TRIP13: variants seen among roughly 807,000 people sequenced by gnomAD.
The protein encoded by TRIP13 is thyroid hormone receptor interactor 13.
Under a neutral mutation model 54.4 loss-of-function variants are expected in TRIP13, and 25 were observed. The observed-to-expected ratio is 0.46, with a 90% CI of 0.33 to 0.64. The LOEUF is 0.64. TRIP13 is among the 30% of genes least tolerant of loss of function. The pLI is 0.02. For missense variants in TRIP13, 373 were observed against 534.2 expected (o/e 0.70, Z 2.97); for synonymous variants, 207 against 207.8 (o/e 1.00, Z 0.03).
At chr5:900,729 G>A (rs1178308097) in intron 4 of TRIP13, among the ~76,000 whole-genome samples, 180 bp downstream of exon 4, 1 of 152,186 alleles carries the variant, frequency 6.6e-6, no homozygotes, top group Non-Finnish European at 1.5e-5. Flanking sequence ...GCTGGTCTCT[G>A]AGGAGCTCCC....
At chr5:895,857 C>T (rs1753901554) in intron 2 of TRIP13, among the ~76,000 whole-genome samples, 1 of 152,028 alleles carries the variant, frequency 6.6e-6, no homozygotes, top group Admixed American at 6.6e-5. Context: ...TAATAATAGC[C>T]AACAATTTGA....
Position 912,581 on chromosome 5 carries a change from C to T in TRIP13, c.1020+585C>T, listed in dbSNP as rs1370036339. Among the ~76,000 whole-genome samples, 9 of 148,588 alleles carry T rather than the reference C, an allele frequency of 6.1e-5. No individual in the cohort carries two copies. In the East Asian group the frequency reaches 7.9e-4, roughly 13 times the overall value. On this transcript the variant is annotated intron_variant, in intron 10 of 12. Coordinates refer to ENST00000166345, the MANE Select transcript of TRIP13 (RefSeq NM_004237.4). The surrounding 1 kb of genome is among the most constrained non-coding windows in gnomAD (Gnocchi z 7.2). ...GTGTGAGTCAGGAGGGCCGTCGCCA[C>T]GGGCACAGTGACGTGCGGTGAGTGT...
chr5:914,422 C>A, intron 10 of TRIP13, 43 bp from the exon 11 acceptor site: 1 of 1,450,076 alleles, frequency 6.9e-7, no homozygotes. Flanking sequence ...TACGCTCAGG[C>A]CTCTGTGGAC....
rs1290843712 is a variant in TRIP13, at chr5:917,620, GATGTAAA to G, written c.*519_*525del. On this transcript the variant is annotated 3_prime_UTR_variant, in exon 13 of 13. Coordinates refer to ENST00000166345, the MANE Select transcript of TRIP13 (RefSeq NM_004237.4). ...AAAATGTTTTCAAGACTATTTAATGGATGTAAAAAAGCCTATTTCTACATTATACCAA... is the reference window on the plus strand; with the variant it reads ...AAAATGTTTTCAAGACTATTTAATGGAAAGCCTATTTCTACATTATACCAA... 1 of 152,366 alleles carries G rather than the reference GATGTAAA, an allele frequency of 6.6e-6. No individual in the cohort carries two copies. The highest frequency in any genetic ancestry group is 1.5e-5 in the Non-Finnish European group (1 of 68,216). 9.4% of individuals were successfully genotyped at this position (152,366 alleles called of 1,614,324 possible).
chr5:917,693 A>T lies in TRIP13; in HGVS notation c.*590A>T, dbSNP rs1754366691. 1 of 152,312 alleles carries T rather than the reference A, an allele frequency of 6.6e-6. No homozygotes were observed. Among genetic ancestry groups the T allele is most frequent in the South Asian group, 2.1e-4 (1 of 4,832 alleles). The allele number at this position is 152,312 out of a possible 1,614,324, so 9.4% of individuals were successfully genotyped here. A position where few individuals can be genotyped will look rare whatever the true frequency, so the allele number is the denominator to read the frequency against. On this transcript the variant is annotated 3_prime_UTR_variant, in exon 13 of 13. Transcript: ENST00000166345. ...TCGGTAAAGTGTTCTTTCATAATAA[A>T]TAATCAGACATGGTCCCATTTGCAG... is the stretch of plus-strand genomic sequence containing the variant.
At position 911,297 on chromosome 5, in the gene TRIP13, C is replaced by T. The variant is rs1486397069; in HGVS notation, c.867-546C>T. On this transcript the variant is annotated intron_variant, in intron 9 of 12. Transcript: ENST00000166345. This position sits in a 1 kb window ranked among gnomAD's most constrained non-coding sequence, Gnocchi z 4.7. ...AAAGTGAGATCCTTGCTAGGCCGGG[C>T]GCGGTGGCTTACGCCTGTAATCCCA... 6.6e-6 allele frequency among the ~76,000 whole-genome samples: 1 copy of T among 152,140 alleles called. No homozygotes were observed. The highest frequency in any genetic ancestry group is 1.9e-4 in the East Asian group (1 of 5,180).
intron 3 of TRIP13, 77 bp downstream of exon 3, chr5:896,871 G>C: frequency 6.8e-7 from 1 of 1,464,504 alleles, no homozygotes. Flanking sequence ...AGTTCACAGG[G>C]GGGGTTCTGT....
Position 894,024 on chromosome 5 carries a change from C to T in TRIP13, c.93-763C>T, listed in dbSNP as rs141716179. ...CACAGCTGCACCTAGAGGACAGACA[C>T]CTACGTACAACTGCACCAGAGTTCA... On this transcript the variant is annotated intron_variant, in intron 1 of 12. Transcript: ENST00000166345. Among the ~76,000 whole-genome samples the T allele has an allele frequency of 2.1e-3, 316 of 152,300 alleles. 2 individuals carry two copies. The highest frequency in any genetic ancestry group is 7.2e-3 in the African/African-American group (301 of 41,562).
In TRIP13 at chr5:911,078, C is replaced by A. The variant is rs188769249; in HGVS notation, c.867-765C>A. Reference sequence around the variant, plus strand: ...CCGCTCTGCTGGCTCATGCTGGGTCCTTGGGGGACATTGGTCAACAGACCA... The same window carrying A: ...CCGCTCTGCTGGCTCATGCTGGGTCATTGGGGGACATTGGTCAACAGACCA... On this transcript the variant is annotated intron_variant, in intron 9 of 12. Coordinates refer to ENST00000166345, the MANE Select transcript of TRIP13 (RefSeq NM_004237.4). This position sits in a 1 kb window ranked among gnomAD's most constrained non-coding sequence, Gnocchi z 4.7. 9.2e-4 allele frequency among the ~76,000 whole-genome samples: 140 copies of A among 152,358 alleles called. 2 individuals are homozygous for A. Among genetic ancestry groups the A allele is most frequent in the African/African-American group, 3.2e-3 (133 of 41,592 alleles).
chr5:906,410 A>G (rs534937758), intron 6 of TRIP13, among the ~76,000 whole-genome samples: 1 of 152,198 alleles, frequency 6.6e-6, no homozygotes, highest in East Asian at 1.9e-4. Context: ...AACCCAGTCT[A>G]TATTTTGTTA....
At position 904,498 on chromosome 5, in the gene TRIP13, G is replaced by A. The variant is rs559467558; in HGVS notation, c.608+278G>A. On this transcript the variant is annotated intron_variant, in intron 6 of 12. Transcript: ENST00000166345. ...GGATGCAGTGTTCGTCTCTAATTAC[G>A]GATTTGTCTTTTCCTCTTGAGTTCT... Among the ~76,000 whole-genome samples, 34 of 152,172 alleles carry A rather than the reference G, an allele frequency of 2.2e-4. No homozygotes were observed. The South Asian group carries it at 2.5e-3, about 11-fold the overall frequency.
chr5:893,099 G>T lies in TRIP13; in HGVS notation c.92+9G>T, dbSNP rs778876567. ...CATCAGCGCGGCAGCAGGTGAGCCG[G>T]ACCTGTCCGACACATCCTCTGGGCA... On this transcript the variant is annotated intron_variant, in intron 1 of 12. Transcript: ENST00000166345. 11 of 1,581,658 alleles carry T rather than the reference G, an allele frequency of 7.0e-6. No homozygotes were observed. The highest frequency in any genetic ancestry group is 1.8e-5 in the Admixed American group (1 of 56,782).
In TRIP13 at chr5:913,480, T is replaced by C. The variant is rs550335673; in HGVS notation, c.1021-985T>C. Reference sequence around the variant, plus strand: ...AAGCGATTCTCGTGCCTCAGCTTCGTGAGTAGCTGGGATTACAGGTGCATG... The same window carrying C: ...AAGCGATTCTCGTGCCTCAGCTTCGCGAGTAGCTGGGATTACAGGTGCATG... On this transcript the variant is annotated intron_variant, in intron 10 of 12. Transcript: ENST00000166345. The surrounding 1 kb of genome is among the most constrained non-coding windows in gnomAD (Gnocchi z 4.5). 2.7e-4 allele frequency among the ~76,000 whole-genome samples: 41 copies of C among 152,222 alleles called. No individual in the cohort carries two copies. The highest frequency in any genetic ancestry group is 9.6e-4 in the African/African-American group (40 of 41,540).
In TRIP13 at chr5:913,941, G is replaced by A. The variant is rs919638127; in HGVS notation, c.1021-524G>A. On this transcript the variant is annotated intron_variant, in intron 10 of 12. Coordinates refer to ENST00000166345, the MANE Select transcript of TRIP13 (RefSeq NM_004237.4). This position sits in a 1 kb window ranked among gnomAD's most constrained non-coding sequence, Gnocchi z 4.5. ...GCTGCTTGGAAAAGCATGACTTCCA[G>A]ACAAATGATCTCTGAGGGGAACTTC... Among the ~76,000 whole-genome samples, 2 of 152,236 alleles carry A rather than the reference G, an allele frequency of 1.3e-5. No homozygotes were observed. Among genetic ancestry groups the A allele is most frequent in the African/African-American group, 4.8e-5 (2 of 41,468 alleles).
Position 908,111 on chromosome 5 carries a change from C to A in TRIP13, c.759+37C>A, listed in dbSNP as rs777832331. ...CAGATAAGGAAATTCATGACAGAAT[C>A]GCCTTTTGCCATTGTGGGGACACAG... On this transcript the variant is annotated intron_variant, in intron 8 of 12. Transcript: ENST00000166345. This position sits in a 1 kb window ranked among gnomAD's most constrained non-coding sequence, Gnocchi z 5.2. 6.2e-7 allele frequency: 1 copy of A among 1,608,116 alleles called. No individual in the cohort carries two copies. Among genetic ancestry groups the A allele is most frequent in the South Asian group, 1.1e-5 (1 of 90,942 alleles).
rs1360790433 is a variant in TRIP13 at position 896,848 on chromosome 5, T to G, written c.388+54T>G. ...AGGCTGAGGTCAGAGGATTGTATAC[T>G]CCATGCCATGTCAGTTCACAGGGGG... On this transcript the variant is annotated intron_variant, in intron 3 of 12. Transcript: ENST00000166345. 1.9e-6 allele frequency: 3 copies of G among 1,556,990 alleles called. No individual in the cohort carries two copies. In the African/African-American group the frequency reaches 4.1e-5, roughly 21 times the overall value.
chr5:893,588 A>G (rs983962955), intron 1 of TRIP13: 7 of 185,208 alleles, frequency 3.8e-5, no homozygotes, highest in Non-Finnish European at 7.0e-5. Context: ...CATCCCACTC[A>G]TTTGTGACCA....
chr5:908,540 C>A lies in TRIP13; in HGVS notation c.866+79C>A. 1.9e-6 allele frequency: 3 copies of A among 1,581,838 alleles called. No individual in the cohort carries two copies. Among genetic ancestry groups the A allele is most frequent in the South Asian group, 2.2e-5 (2 of 89,442 alleles). On this transcript the variant is annotated intron_variant, in intron 9 of 12. Transcript: ENST00000166345. The surrounding 1 kb of genome is among the most constrained non-coding windows in gnomAD (Gnocchi z 5.2). ...AAGAAATGCGTGATACTTGTGCAAC[C>A]CTAGATCTTAGTGCCCAGCTCTTTC...
chr5:905,419 C>T (rs1303825149), intron 6 of TRIP13, among the ~76,000 whole-genome samples: 1 of 152,216 alleles, frequency 6.6e-6, no homozygotes, highest in African/African-American at 2.4e-5. Flanking sequence ...GGCACTCCTT[C>T]TGAGGTATTT....
Sources: gnomAD v4.1 joint callset for allele counts (sites outside exome capture counted in the v4.1 genomes callset) on GRCh38, gnomAD v4.1.1 for gene constraint, Gnocchi (gnomAD v3.1) non-coding constraint, MANE v1.5 for transcripts, NCBI Gene and HGNC (gene_info 2026-07-23, HGNC 2026-07-21) for gene names.